AVEN: variants seen among roughly 807,000 people sequenced by gnomAD.
The protein encoded by AVEN is apoptosis and caspase activation inhibitor.
In AVEN, 41 loss-of-function variants were observed where a neutral mutation model predicts 38.1. That is an observed-to-expected ratio of 1.08 (90% CI 0.84 to 1.40). The LOEUF is 1.40. Ranked by LOEUF, AVEN falls within the 40% of genes most tolerant of loss-of-function variation. The probability of loss-of-function intolerance (pLI) is 0.00; values close to 1 mark genes in which losing one functional copy is unlikely to be tolerated. For missense variants in AVEN, 605 were observed against 438.8 expected, an observed-to-expected ratio of 1.38 and a Z score of -3.38; for synonymous variants, 206 against 171.8, an observed-to-expected ratio of 1.20 and a Z score of -1.56.
At chr15:33,999,502 G>C (rs1897058678) in intron 2 of AVEN, among the ~76,000 whole-genome samples, 1 of 152,058 alleles carries the variant, frequency 6.6e-6, no homozygotes, top group African/African-American at 2.4e-5. Flanking sequence ...ATGCAACACT[G>C]GTACCTCCTA....
chr15:34,022,958 C>A, intron 1 of AVEN, among the ~76,000 whole-genome samples: 1 of 152,292 alleles, frequency 6.6e-6, no homozygotes, highest in Non-Finnish European at 1.5e-5. Flanking sequence ...GAGGCCGAGG[C>A]GGGCGGATCA....
At chr15:33,880,226 T>C (rs1031349828) in intron 2 of AVEN, among the ~76,000 whole-genome samples, 1 of 152,016 alleles carries the variant, frequency 6.6e-6, no homozygotes, top group East Asian at 1.9e-4. Context: ...TCTGAAGACA[T>C]GAGAGTTCCC....
intron 4 of AVEN, chr15:34,064,328 C>G (rs1309480102): frequency 3.1e-6 from 5 of 1,602,340 alleles, no homozygotes; most frequent in African/African-American, 1.3e-5. Flanking sequence ...AAGTCAACAA[C>G]TCCTCTCGAA....
intron 2 of AVEN, among the ~76,000 whole-genome samples, chr15:33,904,569 G>A (rs968287898): frequency 6.6e-6 from 1 of 151,640 alleles, no homozygotes; most frequent in South Asian, 2.1e-4. Context: ...CCGCCACCAC[G>A]CCTGGCTAAT....
intron 3 of AVEN, 35 bp from the exon 4 acceptor site, chr15:33,871,065 G>A (rs1443984875): frequency 7.9e-7 from 1 of 1,266,310 alleles, no homozygotes; most frequent in East Asian, 2.9e-5. Flanking sequence ...AAAATATCAG[G>A]TGATGATTAT....
At chr15:34,059,644 C>G (rs1900271903) in intron 5 of AVEN, among the ~76,000 whole-genome samples, 1 of 152,176 alleles carries the variant, frequency 6.6e-6, no homozygotes, top group Non-Finnish European at 1.5e-5. Flanking sequence ...TCTTTTGCCT[C>G]TGGGCTTACA....
chr15:33,996,812 G>A (rs1896955240), intron 2 of AVEN, among the ~76,000 whole-genome samples: 2 of 152,186 alleles, frequency 1.3e-5, no homozygotes, highest in African/African-American at 2.4e-5. Context: ...CCAAAGGAAC[G>A]CAGCTCCTCG....
intron 2 of AVEN, among the ~76,000 whole-genome samples, chr15:33,981,001 A>C (rs1896116247): frequency 6.6e-6 from 1 of 152,212 alleles, no homozygotes; most frequent in African/African-American, 2.4e-5. Context: ...TAAAATAGAG[A>C]TCATCAAATT....
rs1387580753 is a variant in AVEN, at chr15:33,961,789, G to A, written c.445+41243C>T. 5.5e-5 allele frequency among the ~76,000 whole-genome samples: 7 copies of A among 127,216 alleles called. 1 individual carries two copies. The South Asian group carries it at 1.5e-3, about 28-fold the overall frequency. The allele number at this position is 127,216 out of a possible 152,430, so 83.5% of individuals were successfully genotyped here. On this transcript the variant is annotated intron_variant, in intron 2 of 5. Coordinates refer to ENST00000306730, the MANE Select transcript of AVEN (RefSeq NM_020371.3). ...GATCGCGCCACTGCACTCCAGCCTG[G>A]GCGACAGAGTGAGACTCTGTCTCAA...
At chr15:33,868,915 C>T (rs535065064) in intron 4 of AVEN, among the ~76,000 whole-genome samples, 2 of 152,240 alleles carry the variant, frequency 1.3e-5, no homozygotes, top group South Asian at 2.1e-4. Context: ...CAAACTCCCC[C>T]GGTGATTGTA....
intron 2 of AVEN, among the ~76,000 whole-genome samples, chr15:33,957,158 T>C (rs1207969673): frequency 1.3e-5 from 2 of 152,254 alleles, no homozygotes; most frequent in African/African-American, 4.8e-5. Flanking sequence ...TGGTAAGTGC[T>C]TATTAACTGT....
intron 11 of AVEN, among the ~76,000 whole-genome samples, chr15:33,859,939 A>T (rs553749264): frequency 6.6e-6 from 1 of 152,298 alleles, no homozygotes; most frequent in South Asian, 2.1e-4. Flanking sequence ...AAGAAGCTTC[A>T]TCCATACAGA....
At chr15:33,906,167 G>T (rs609221) in intron 2 of AVEN, among the ~76,000 whole-genome samples, 1 of 151,776 alleles carries the variant, frequency 6.6e-6, no homozygotes, top group Non-Finnish European at 1.5e-5. Flanking sequence ...AATTGTGTGT[G>T]CTTGAGCTTC....
chr15:33,981,138 G>A (rs1167799084), intron 2 of AVEN, among the ~76,000 whole-genome samples: 3 of 152,118 alleles, frequency 2.0e-5, no homozygotes, highest in African/African-American at 4.8e-5. Context: ...ATTGTGGAGA[G>A]AAAATATCTG....
chr15:34,059,144 G>A (rs185611000), intron 5 of AVEN, among the ~76,000 whole-genome samples: 3 of 152,110 alleles, frequency 2.0e-5, no homozygotes, highest in South Asian at 2.1e-4. Flanking sequence ...CTATCCACCC[G>A]CCTCGGCCTC....
chr15:33,949,699 T>C (rs1004688269), intron 2 of AVEN, among the ~76,000 whole-genome samples: 4 of 152,216 alleles, frequency 2.6e-5, no homozygotes, highest in Non-Finnish European at 5.9e-5. Flanking sequence ...CACTGAATTA[T>C]ACTCTTAAAA....
At chr15:34,074,244 C>T (rs925974412) in intron 1 of AVEN, among the ~76,000 whole-genome samples, 14 of 151,764 alleles carry the variant, frequency 9.2e-5, no homozygotes, top group African/African-American at 3.1e-4. Context: ...GTGATCCACC[C>T]GCCTCAGCCT....
At chr15:34,001,817 T>C (rs1257130638) in intron 2 of AVEN, among the ~76,000 whole-genome samples, 1 of 152,206 alleles carries the variant, frequency 6.6e-6, no homozygotes, top group Non-Finnish European at 1.5e-5. Context: ...TTATTGTTCT[T>C]AGTCTGGTGC....
intron 1 of AVEN, among the ~76,000 whole-genome samples, chr15:34,030,432 G>A (rs1483549582): frequency 5.9e-5 from 9 of 151,724 alleles, no homozygotes; most frequent in South Asian, 4.2e-4. Context: ...TGCAAGCTCC[G>A]CCTCCCAGGT....
Sources: gnomAD v4.1 joint callset for allele counts (sites outside exome capture counted in the v4.1 genomes callset) on GRCh38, gnomAD v4.1.1 for gene constraint, MANE v1.5 for transcripts, NCBI Gene and HGNC (gene_info 2026-07-23, HGNC 2026-07-21) for gene names.